The following STPG2 variants were observed in gnomAD, a reference collection of about 807,000 sequenced individuals.
The protein encoded by STPG2 is sperm-tail PG-rich repeat-containing protein 2.
A neutral mutation model predicts 54.2 loss-of-function variants in STPG2; 56 were observed. The observed-to-expected ratio is 1.03, with a 90% CI of 0.83 to 1.29. The LOEUF (loss-of-function observed/expected upper bound fraction) is 1.29. Ranked by LOEUF, STPG2 falls within the 50% of genes most tolerant of loss-of-function variation. The pLI is 0.00. For synonymous variants in STPG2, 200 were observed against 181.8 expected, an observed-to-expected ratio of 1.10 and a Z score of -0.81; for missense variants, 596 against 544.9, an observed-to-expected ratio of 1.09 and a Z score of -0.93.
chr4:97,473,154 T>C (rs1466372132), intron 4 of STPG2, among the ~76,000 whole-genome samples: 1 of 152,136 alleles, frequency 6.6e-6, no homozygotes, highest in Non-Finnish European at 1.5e-5. Flanking sequence ...CATGTGTGTT[T>C]GAACAATATG....
intron 5 of STPG2, among the ~76,000 whole-genome samples, chr4:98,090,909 C>T (rs973255417): frequency 2.0e-5 from 3 of 151,772 alleles, no homozygotes; most frequent in African/African-American, 7.3e-5. Context: ...GACACTTATG[C>T]CTATATAATA....
At chr4:97,931,015 A>T (rs929652964) in intron 8 of STPG2, among the ~76,000 whole-genome samples, 4 of 152,136 alleles carry the variant, frequency 2.6e-5, no homozygotes, top group Non-Finnish European at 5.9e-5. Context: ...AATATTAATG[A>T]CATTTGTAGA....
intron 10 of STPG2, among the ~76,000 whole-genome samples, chr4:97,595,367 C>A (rs1432369863): frequency 6.6e-6 from 1 of 152,014 alleles, no homozygotes; most frequent in Non-Finnish European, 1.5e-5. Context: ...ACAAACACCA[C>A]ATGTTCTCAC....
intron 3 of STPG2, among the ~76,000 whole-genome samples, chr4:98,126,084 A>T (rs1167918837): frequency 6.6e-6 from 1 of 152,194 alleles, no homozygotes. Flanking sequence ...CAGTCATCTT[A>T]GGCAGTCTCC....
chr4:97,887,666 G>A (rs1730628844), intron 8 of STPG2, among the ~76,000 whole-genome samples: 1 of 152,196 alleles, frequency 6.6e-6, no homozygotes, highest in Admixed American at 6.5e-5. Context: ...TGCTCATGTG[G>A]TAAGAAAAGA....
intron 4 of STPG2, among the ~76,000 whole-genome samples, chr4:97,471,765 A>T (rs1427671839): frequency 6.6e-6 from 1 of 152,212 alleles, no homozygotes; most frequent in African/African-American, 2.4e-5. Context: ...GAAGAAGTTT[A>T]TATCAGTTAA....
intron 7 of STPG2, among the ~76,000 whole-genome samples, chr4:97,967,294 C>G (rs916975737): frequency 2.6e-5 from 4 of 151,516 alleles, no homozygotes; most frequent in Non-Finnish European, 5.9e-5. Context: ...GTAAAGGGAT[C>G]AATTCAACAA....
chr4:97,660,700 T>C (rs1375259179), intron 10 of STPG2, among the ~76,000 whole-genome samples: 1 of 152,164 alleles, frequency 6.6e-6, no homozygotes, highest in Non-Finnish European at 1.5e-5. Flanking sequence ...TGGTACAAAG[T>C]GGTTTATATG....
At chr4:97,804,686 A>G (rs892762040) in intron 9 of STPG2, among the ~76,000 whole-genome samples, 1 of 152,206 alleles carries the variant, frequency 6.6e-6, no homozygotes, top group Admixed American at 6.5e-5. Flanking sequence ...AGGGTACAGC[A>G]TTCACTCAAC....
chr4:97,731,612 GATGC>G lies in STPG2; in HGVS notation c.1205-18802_1205-18799del, dbSNP rs558194212. Among the ~76,000 whole-genome samples, 38 of 152,298 alleles carry G rather than the reference GATGC, an allele frequency of 2.5e-4. No homozygotes were observed. The East Asian group carries it at 7.2e-3, about 29-fold the overall frequency. ...TTTTGTCCCAAGCCTTCTGTGCCCA[GATGC>G]CTGGGCTGTTAGGTGTTCTGCTGGG... On this transcript the variant is annotated intron_variant, in intron 9 of 10. Coordinates refer to ENST00000295268, the MANE Select transcript of STPG2 (RefSeq NM_174952.3).
chr4:97,579,468 A>T (rs1732809168), intron 10 of STPG2, among the ~76,000 whole-genome samples: 1 of 151,914 alleles, frequency 6.6e-6, no homozygotes, highest in Non-Finnish European at 1.5e-5. Flanking sequence ...TGTTTGAAAA[A>T]TTTTCTGCTA....
chr4:98,044,552 G>A (rs947769656), intron 5 of STPG2, among the ~76,000 whole-genome samples: 1 of 152,138 alleles, frequency 6.6e-6, no homozygotes, highest in African/African-American at 2.4e-5. Flanking sequence ...GATTTGGGGT[G>A]GGAGAGCAGG....
intron 4 of STPG2, among the ~76,000 whole-genome samples, chr4:97,482,628 C>A (rs1385610630): frequency 6.6e-6 from 1 of 151,532 alleles, no homozygotes; most frequent in Non-Finnish European, 1.5e-5. Flanking sequence ...GTTTGGCAAA[C>A]ATATTTGGGG....
At chr4:98,010,061 T>C (rs1452105631) in intron 5 of STPG2, among the ~76,000 whole-genome samples, 1 of 152,092 alleles carries the variant, frequency 6.6e-6, no homozygotes, top group Non-Finnish European at 1.5e-5. Flanking sequence ...ACTTTTCATT[T>C]CATTTCATTG....
chr4:97,628,058 G>A (rs1278683364), intron 10 of STPG2, among the ~76,000 whole-genome samples: 1 of 152,088 alleles, frequency 6.6e-6, no homozygotes, highest in African/African-American at 2.4e-5. Flanking sequence ...ATCTCAGCCA[G>A]AAACACTATT....
chr4:97,461,670 C>T (rs966214742), intron 4 of STPG2, among the ~76,000 whole-genome samples: 11 of 152,134 alleles, frequency 7.2e-5, no homozygotes, highest in African/African-American at 1.7e-4. Context: ...AACTGACTAA[C>T]AAAAACACTG....
intron 10 of STPG2, among the ~76,000 whole-genome samples, chr4:97,579,571 T>A (rs1171382129): frequency 6.6e-6 from 1 of 152,106 alleles, no homozygotes; most frequent in Admixed American, 6.6e-5. Context: ...TAAATATTGC[T>A]GGTGAAACTT....
intron 9 of STPG2, among the ~76,000 whole-genome samples, chr4:97,736,858 G>T (rs887062225): frequency 2.6e-5 from 4 of 152,240 alleles, no homozygotes; most frequent in Non-Finnish European, 5.9e-5. Context: ...AGAGAGCAGT[G>T]GTTCTCCCAG....
intron 7 of STPG2, among the ~76,000 whole-genome samples, chr4:97,969,354 C>T (rs938785063): frequency 6.6e-6 from 1 of 152,158 alleles, no homozygotes; most frequent in African/African-American, 2.4e-5. Context: ...CAAAGAATTA[C>T]TTCATCCCCA....
Sources: gnomAD v4.1 joint callset for allele counts (sites outside exome capture counted in the v4.1 genomes callset) on GRCh38, gnomAD v4.1.1 for gene constraint, MANE v1.5 for transcripts, NCBI Gene and HGNC (gene_info 2026-07-23, HGNC 2026-07-21) for gene names.